Variants in QTGAL observed in about 807,000 individuals in gnomAD.
QTGAL encodes the protein queuosine-tRNA galactosyltransferase.
At chr17:83,004,762 C>CCACTCTCT in the QTGAL span, among the ~76,000 whole-genome samples, 2 of 67,204 alleles carry the variant, frequency 3.0e-5, no homozygotes, top group Non-Finnish European at 6.3e-5. Context: ...TCCCACCCTC[C>CCACTCTCT]GCAGTCCGCG....
At chr17:83,046,616 T>C in the QTGAL span, among the ~76,000 whole-genome samples, 9 of 152,226 alleles carry the variant, frequency 5.9e-5, no homozygotes, top group Non-Finnish European at 8.8e-5. Flanking sequence ...GGAACGTTCA[T>C]ACATTGCTGG....
chr17:82,987,440 T>G, the QTGAL span, among the ~76,000 whole-genome samples: 8 of 152,204 alleles, frequency 5.3e-5, no homozygotes, highest in Non-Finnish European at 1.0e-4. Context: ...AACACTCAAG[T>G]ACACTAATGA....
the QTGAL span, among the ~76,000 whole-genome samples, chr17:82,984,811 C>T: frequency 2.0e-5 from 3 of 152,154 alleles, no homozygotes; most frequent in Admixed American, 6.5e-5. Flanking sequence ...CAGGGGTCCG[C>T]GTCACACCAC....
the QTGAL span, among the ~76,000 whole-genome samples, chr17:82,980,685 T>G: frequency 6.6e-6 from 1 of 152,216 alleles, no homozygotes; most frequent in Non-Finnish European, 1.5e-5. Context: ...GGAAGTGGTG[T>G]AGACGGTCTA....
the QTGAL span, among the ~76,000 whole-genome samples, chr17:83,013,647 C>CG: frequency 6.6e-6 from 1 of 151,702 alleles, no homozygotes; most frequent in Non-Finnish European, 1.5e-5. Context: ...TGACCAGAGC[C>CG]GGCCGTGACT....
At chr17:82,957,323 A>G in the QTGAL span, 8 of 1,613,746 alleles carry the variant, frequency 5.0e-6, no homozygotes, top group African/African-American at 1.3e-5. Flanking sequence ...GTACGGGGGC[A>G]GGGCAGGCAG....
chr17:83,003,822 A>G, the QTGAL span, among the ~76,000 whole-genome samples: 82 of 1,312 alleles, frequency 0.062, 5 homozygotes, highest in Admixed American at 0.098. Context: ...TCCTGAGCCC[A>G]CCCTCCCACT....
the QTGAL span, among the ~76,000 whole-genome samples, chr17:82,964,010 A>C: frequency 9.8e-6 from 1 of 101,710 alleles, no homozygotes. Flanking sequence ...TAATCTCAGC[A>C]CTTTGGAAGG....
At chr17:83,009,229 C>T in the QTGAL span, among the ~76,000 whole-genome samples, 1 of 152,116 alleles carries the variant, frequency 6.6e-6, no homozygotes, top group Non-Finnish European at 1.5e-5. Context: ...CGAGACCAGC[C>T]TGACCAACAT....
the QTGAL span, chr17:82,947,056 GC>G: frequency 5.9e-6 from 8 of 1,365,152 alleles, no homozygotes; most frequent in Non-Finnish European, 7.1e-6. Context: ...CTCCTCCAGG[GC>G]CAGGGGTTGG....
At chr17:83,050,145 C>T in the QTGAL span, among the ~76,000 whole-genome samples, 8 of 152,096 alleles carry the variant, frequency 5.3e-5, no homozygotes, top group Non-Finnish European at 1.2e-4. Flanking sequence ...CCGAGGCGGG[C>T]AGATCATCTG....
the QTGAL span, among the ~76,000 whole-genome samples, chr17:82,959,006 T>A: frequency 2.8e-5 from 1 of 35,280 alleles, no homozygotes; most frequent in African/African-American, 1.7e-4. Flanking sequence ...GTGTGTATAC[T>A]GTGTGGGGGT....
the QTGAL span, chr17:82,981,855 T>G: frequency 6.6e-6 from 1 of 152,304 alleles, no homozygotes; most frequent in South Asian, 2.1e-4. Context: ...GTACGTTTTG[T>G]GTATTATATA....
chr17:82,974,830 G>A, the QTGAL span, among the ~76,000 whole-genome samples: 1 of 152,242 alleles, frequency 6.6e-6, no homozygotes, highest in African/African-American at 2.4e-5. Flanking sequence ...GGCGCAGACA[G>A]GCACAGGTGG....
the QTGAL span, among the ~76,000 whole-genome samples, chr17:83,029,229 T>C: frequency 1.3e-5 from 2 of 152,276 alleles, no homozygotes. Flanking sequence ...ATGTAAATTC[T>C]ACCTCAATTC....
chr17:82,964,661 G>C, the QTGAL span, among the ~76,000 whole-genome samples: 2 of 135,132 alleles, frequency 1.5e-5, no homozygotes, highest in Non-Finnish European at 3.1e-5. Context: ...ACGCCTACAG[G>C]TGCACCCCCA....
the QTGAL span, among the ~76,000 whole-genome samples, chr17:83,050,231 G>A: frequency 6.6e-6 from 1 of 152,172 alleles, no homozygotes; most frequent in Non-Finnish European, 1.5e-5. Context: ...TTACCCTGGT[G>A]TGGTGGTGCA....
chr17:83,040,659 T>C, the QTGAL span, among the ~76,000 whole-genome samples: 1 of 152,216 alleles, frequency 6.6e-6, no homozygotes, highest in South Asian at 2.1e-4. Flanking sequence ...GCAATCCCTT[T>C]AAAATTCTAA....
chr17:82,984,062 GATCACGCA>G, the QTGAL span, among the ~76,000 whole-genome samples: 1 of 136,720 alleles, frequency 7.3e-6, no homozygotes. Flanking sequence ...GAGGCCATAT[GATCACGCA>G]GGGGAGAGGC....
Sources: allele counts gnomAD v4.1 joint callset (sites outside exome capture counted in the v4.1 genomes callset), GRCh38; gene constraint gnomAD v4.1.1; transcripts MANE v1.5; gene names NCBI Gene and HGNC (gene_info 2026-07-23, HGNC 2026-07-21).